The following WASHC2A variants were observed in gnomAD, a reference collection of about 807,000 sequenced individuals.
The protein encoded by WASHC2A is WASH complex subunit FAM21A.
In WASHC2A, 82 loss-of-function variants were observed where a neutral mutation model predicts 140.3. That is an observed-to-expected ratio of 0.58 (90% CI 0.49 to 0.70). The LOEUF (loss-of-function observed/expected upper bound fraction) is 0.70, where lower values mean the gene tolerates loss of function less well. WASHC2A is among the 30% of genes least tolerant of loss of function. The pLI, the probability that WASHC2A is intolerant of heterozygous loss-of-function variation, is 0.00. For missense variants in WASHC2A, 985 were observed against 1,521.8 expected (o/e 0.65, Z 5.87); for synonymous variants, 340 against 560.8 (o/e 0.61, Z 5.56).
chr10:50,098,391 A>T (rs1362283338), intron 16 of WASHC2A, among the ~76,000 whole-genome samples: 1 of 151,114 alleles, frequency 6.6e-6, no homozygotes, highest in Non-Finnish European at 1.5e-5. Flanking sequence ...CATTAGGGAC[A>T]TAAGGAGAGT....
At chr10:50,097,902 A>G (rs1384008477) in intron 16 of WASHC2A, 100 bp downstream of exon 16, 7 of 1,576,054 alleles carry the variant, frequency 4.4e-6, no homozygotes, top group Middle Eastern at 2.3e-4. Flanking sequence ...TCACGTTCAT[A>G]TTGAAGAACT....
intron 3 of WASHC2A, among the ~76,000 whole-genome samples, chr10:50,073,455 A>G (rs1469352856): frequency 4.7e-5 from 7 of 150,150 alleles, no homozygotes; most frequent in African/African-American, 4.9e-5. Context: ...AATTTTCCAG[A>G]TCATCTTCCT....
intron 30 of WASHC2A, 74 bp from the exon 31 acceptor site, chr10:50,132,732 T>G: frequency 6.2e-7 from 1 of 1,612,008 alleles, no homozygotes; most frequent in Non-Finnish European, 8.5e-7. Context: ...TCTTTGGTGG[T>G]TTGCTTGCAT....
intron 20 of WASHC2A, among the ~76,000 whole-genome samples, chr10:50,110,931 A>G (rs1446108843): frequency 6.7e-6 from 1 of 148,544 alleles, no homozygotes; most frequent in Non-Finnish European, 1.5e-5. Context: ...TTTGAATAGA[A>G]ATCTGCTCAG....
intron 18 of WASHC2A, among the ~76,000 whole-genome samples, chr10:50,105,399 A>T (rs1397952105): frequency 1.8e-5 from 2 of 109,622 alleles, no homozygotes; most frequent in Non-Finnish European, 3.8e-5. Context: ...TATGTGGCTT[A>T]ACAGTGAGTA....
intron 16 of WASHC2A, among the ~76,000 whole-genome samples, chr10:50,099,384 C>T (rs1589219628): frequency 6.6e-6 from 1 of 151,146 alleles, no homozygotes; most frequent in African/African-American, 2.4e-5. Context: ...ATTCTCCAGC[C>T]TCAGCCTACC....
At chr10:50,127,065 C>T (rs1181689134) in intron 26 of WASHC2A, 95 bp from the exon 27 acceptor site, 7 of 1,365,610 alleles carry the variant, frequency 5.1e-6, no homozygotes, top group Non-Finnish European at 7.3e-6. Context: ...CAGAAAGTGA[C>T]AGTTTTGCTC....
At chr10:50,077,960 A>AC (rs1343733787) in intron 3 of WASHC2A, among the ~76,000 whole-genome samples, 6 of 134,620 alleles carry the variant, frequency 4.5e-5, no homozygotes, top group African/African-American at 8.5e-5. Flanking sequence ...GGCGTGAGCC[A>AC]CCGCACCTGG....
intron 28 of WASHC2A, 112 bp downstream of exon 28, chr10:50,127,907 G>A (rs1843579868): frequency 6.6e-7 from 1 of 1,512,724 alleles, no homozygotes; most frequent in Non-Finnish European, 9.0e-7. Flanking sequence ...CCTTTTGAAG[G>A]AGGTGCCTCA....
intron 20 of WASHC2A, among the ~76,000 whole-genome samples, chr10:50,111,812 G>A (rs1264888652): frequency 3.3e-5 from 5 of 152,234 alleles, no homozygotes; most frequent in African/African-American, 1.2e-4. Context: ...GGCAGATCAC[G>A]AGGTCAGGAG....
chr10:50,092,429 G>A (rs539838233), intron 11 of WASHC2A, among the ~76,000 whole-genome samples, 196 bp downstream of exon 11: 9 of 152,248 alleles, frequency 5.9e-5, no homozygotes, highest in Admixed American at 1.3e-4. Context: ...AGGCCGAGGC[G>A]GGCGGATCAT....
At chr10:50,090,515 A>AAAAATATATATATATATATATATAT (rs1214596899) in intron 8 of WASHC2A, among the ~76,000 whole-genome samples, 27 of 108,708 alleles carry the variant, frequency 2.5e-4, no homozygotes, top group African/African-American at 8.8e-4. Flanking sequence ...AAAAAAAAAA[A>AAAAATATATATATATATATATATAT]ATATATATAT....
At chr10:50,092,922 G>A (rs2132580335) in intron 11 of WASHC2A, among the ~76,000 whole-genome samples, 1 of 149,230 alleles carries the variant, frequency 6.7e-6, no homozygotes, top group South Asian at 2.2e-4. Flanking sequence ...TGTTTATTCT[G>A]CCCTTCCTTC....
rs1843760532 is a variant in WASHC2A at position 50,129,639 on chromosome 10, G to C, written c.3308G>C (p.Trp1103Ser). The C allele has an allele frequency of 6.2e-7, 1 of 1,611,958 alleles. No homozygotes were observed. Among genetic ancestry groups the C allele is most frequent in the African/African-American group, 1.3e-5 (1 of 74,870 alleles). Residue 1103 changes from tryptophan (W) to serine (S), a missense_variant, in exon 29 of 31, where the codon TGG (tryptophan) becomes TCG (serine). Coordinates refer to ENST00000282633, the MANE Select transcript of WASHC2A (RefSeq NM_001005751.3). ...EEALAAAAAP[W>S]EGGPVPGVDR... ...GCCCTGGCAGCTGCCGCTGCACCTT[G>C]GGAAGGTGGTCCTGTGCCTGGAGTG...
rs1838304081 is a variant in WASHC2A at position 50,076,255 on chromosome 10, A to G, written c.292-2420A>G. Among the ~76,000 whole-genome samples the G allele has an allele frequency of 2.6e-5, 4 of 152,342 alleles. No individual in the cohort carries two copies. The South Asian group carries it at 8.3e-4, about 32-fold the overall frequency. ...CTAAAGTGCTGGGATTACAGTCGTG[A>G]GCCACTGCCCCCAGCACGATTATCT... is the stretch of plus-strand genomic sequence containing the variant. On this transcript the variant is annotated intron_variant, in intron 3 of 30. Transcript: ENST00000282633.
chr10:50,127,777 C>T lies in WASHC2A; in HGVS notation c.3069C>T (p.Thr1023=). 9.9e-6 allele frequency: 15 copies of T among 1,518,932 alleles called. 1 individual carries two copies. The South Asian group carries it at 1.8e-4, about 18-fold the overall frequency. 94.1% of individuals were successfully genotyped at this position (1,518,932 alleles called of 1,614,324 possible). A position where few individuals can be genotyped will look rare whatever the true frequency, so the allele number is the denominator to read the frequency against. The change falls in exon 28 of 31, where the codon ACC becomes ACT. Residue 1023 remains threonine (T), a synonymous_variant. Coordinates refer to ENST00000282633, the MANE Select transcript of WASHC2A (RefSeq NM_001005751.3). ...VSFDLPAQAD[T]LHSANKSRVK... ...TTGATCTTCCAGCTCAGGCAGACAC[C>T]TTACACAGTGCAAACAAGGTGATGA...
At chr10:50,131,989 G>T (rs1337299261) in intron 30 of WASHC2A, among the ~76,000 whole-genome samples, 2 of 152,224 alleles carry the variant, frequency 1.3e-5, no homozygotes, top group African/African-American at 4.8e-5. Context: ...ATATGTTTGT[G>T]TACACATCAA....
chr10:50,127,374 G>A lies in WASHC2A; in HGVS notation c.2874+152G>A, dbSNP rs1174758704. 27 of 1,542,122 alleles carry A rather than the reference G, an allele frequency of 1.8e-5. No homozygotes were observed. In the Admixed American group the frequency reaches 2.7e-4, roughly 15 times the overall value. On this transcript the variant is annotated intron_variant, in intron 27 of 30. Coordinates refer to ENST00000282633, the MANE Select transcript of WASHC2A (RefSeq NM_001005751.3). ...CTAGTTGTTGTCTCCTGTGTGCTGC[G>A]TCTTTAACATCTATTTTTTGAGCCC...
intron 2 of WASHC2A, 65 bp downstream of exon 2, chr10:50,068,292 C>G: frequency 1.4e-6 from 2 of 1,453,902 alleles, no homozygotes; most frequent in Non-Finnish European, 1.8e-6. Flanking sequence ...CGCAGGAGGG[C>G]CGGACCGCGA....
Sources: allele counts gnomAD v4.1 joint callset (sites outside exome capture counted in the v4.1 genomes callset), GRCh38; gene constraint gnomAD v4.1.1; transcripts MANE v1.5; gene names NCBI Gene and HGNC (gene_info 2026-07-23, HGNC 2026-07-21).